The following EPHA5 variants were observed in gnomAD, a reference collection of about 807,000 sequenced individuals.
The protein encoded by EPHA5 is ephrin type-A receptor 5.
Under a neutral mutation model 105.0 loss-of-function variants are expected in EPHA5, and 60 were observed. That is an observed-to-expected ratio of 0.57 (90% CI 0.46 to 0.71). The LOEUF (loss-of-function observed/expected upper bound fraction) is 0.71, where lower values mean the gene tolerates loss of function less well. Among genes scored for constraint, EPHA5 ranks in the 30% least tolerant of loss-of-function variants. EPHA5 has a pLI of 0.00. For synonymous variants in EPHA5, 513 were observed against 449.1 expected (o/e 1.14, Z -1.80); for missense variants, 1,218 against 1,274.7 (o/e 0.96, Z 0.68).
At chr4:65,597,216 C>T (rs1743279769) in intron 3 of EPHA5, among the ~76,000 whole-genome samples, 1 of 152,102 alleles carries the variant, frequency 6.6e-6, no homozygotes, top group African/African-American at 2.4e-5. Context: ...AATCTCTTTC[C>T]TCCATTTGAT....
chr4:65,648,930 G>A (rs1748358768), intron 1 of EPHA5, among the ~76,000 whole-genome samples: 3 of 152,164 alleles, frequency 2.0e-5, no homozygotes, highest in Non-Finnish European at 1.5e-5. Flanking sequence ...CAGAGAAAGA[G>A]GACATGTGTT....
chr4:65,583,172 G>A (rs140992829), intron 3 of EPHA5, among the ~76,000 whole-genome samples: 38 of 151,298 alleles, frequency 2.5e-4, no homozygotes, highest in Admixed American at 1.1e-3. Context: ...TCCTGCTCTC[G>A]GAGAGTTTAT....
At chr4:65,602,491 T>A (rs962448525) in intron 2 of EPHA5, among the ~76,000 whole-genome samples, 187 bp from the exon 3 acceptor site, 11 of 152,142 alleles carry the variant, frequency 7.2e-5, no homozygotes, top group African/African-American at 2.7e-4. Context: ...TTATTGTAAT[T>A]TTTAAATTAA....
At chr4:65,612,046 A>AAAAGG in intron 2 of EPHA5, among the ~76,000 whole-genome samples, 1 of 113,520 alleles carries the variant, frequency 8.8e-6, no homozygotes, top group Admixed American at 1.0e-4. Context: ...AAAAGGAAAG[A>AAAAGG]AAAGAAAAGA....
rs910526197 is a variant in EPHA5, at chr4:65,670,378, C to A, written c.-636G>T. ...GCCGGCCGGTAGGAGCGCGGAGCTG[C>A]GCTGCGGCGGCCCAGGAGCTGCTGC... is the stretch of plus-strand genomic sequence containing the variant. On this transcript the variant is annotated 5_prime_UTR_variant, in exon 1 of 17. Transcript: ENST00000613740. 2.3e-4 allele frequency: 53 copies of A among 233,756 alleles called. No individual in the cohort carries two copies. Among genetic ancestry groups the A allele is most frequent in the Admixed American group, 1.1e-4 (2 of 17,776 alleles). The allele number at this position is 233,756 out of a possible 1,614,324, so 14.5% of individuals were successfully genotyped here. A position where few individuals can be genotyped will look rare whatever the true frequency, so the allele number is the denominator to read the frequency against.
At chr4:65,612,883 A>G (rs1277107984) in intron 2 of EPHA5, among the ~76,000 whole-genome samples, 1 of 152,040 alleles carries the variant, frequency 6.6e-6, no homozygotes, top group African/African-American at 2.4e-5. Context: ...TTTAGTTTAA[A>G]TAAGTTCCAT....
chr4:65,367,217 G>T (rs1478241994), intron 9 of EPHA5, 140 bp downstream of exon 9: 2 of 682,194 alleles, frequency 2.9e-6, no homozygotes, highest in Non-Finnish European at 4.7e-6. Flanking sequence ...TTACAGGAAT[G>T]TAACAAATAG....
At chr4:65,401,157 A>G (rs1721781968) in intron 8 of EPHA5, among the ~76,000 whole-genome samples, 1 of 152,064 alleles carries the variant, frequency 6.6e-6, no homozygotes, top group Non-Finnish European at 1.5e-5. Flanking sequence ...TCCTAGGACA[A>G]GCTTTTTAAA....
intron 3 of EPHA5, among the ~76,000 whole-genome samples, chr4:65,527,886 C>G (rs1272470264): frequency 6.6e-6 from 1 of 151,992 alleles, no homozygotes; most frequent in Non-Finnish European, 1.5e-5. Context: ...TTGTTCCCCT[C>G]TACGTGTCCG....
intron 3 of EPHA5, among the ~76,000 whole-genome samples, chr4:65,591,789 T>C (rs1373624177): frequency 1.3e-5 from 2 of 152,112 alleles, no homozygotes; most frequent in African/African-American, 4.8e-5. Context: ...ACAATGCTTA[T>C]TAATAGATGA....
intron 6 of EPHA5, among the ~76,000 whole-genome samples, chr4:65,415,164 C>T (rs904212394): frequency 1.3e-5 from 2 of 152,064 alleles, no homozygotes; most frequent in African/African-American, 2.4e-5. Context: ...GACTAACCAT[C>T]CATAGCTCCT....
At chr4:65,634,687 T>C (rs1746957698) in intron 2 of EPHA5, among the ~76,000 whole-genome samples, 1 of 152,092 alleles carries the variant, frequency 6.6e-6, no homozygotes, top group Non-Finnish European at 1.5e-5. Flanking sequence ...CCATTCCCTT[T>C]AGAATTATTG....
At chr4:65,445,571 T>C (rs949938587) in intron 5 of EPHA5, among the ~76,000 whole-genome samples, 12 of 152,130 alleles carry the variant, frequency 7.9e-5, no homozygotes, top group Non-Finnish European at 1.6e-4. Context: ...ACATTAAATA[T>C]AATATCTGTG....
chr4:65,471,212 C>T (rs932056196), intron 5 of EPHA5, among the ~76,000 whole-genome samples: 2 of 152,088 alleles, frequency 1.3e-5, no homozygotes, highest in Non-Finnish European at 2.9e-5. Flanking sequence ...TTTAACAGTC[C>T]TAACTCCTAG....
chr4:65,473,423 G>A (rs779410309), intron 5 of EPHA5, among the ~76,000 whole-genome samples: 1 of 152,180 alleles, frequency 6.6e-6, no homozygotes, highest in Non-Finnish European at 1.5e-5. Context: ...AACAAAGGAG[G>A]TTTAATTGAC....
intron 14 of EPHA5, among the ~76,000 whole-genome samples, chr4:65,344,614 G>A (rs1722040957): frequency 6.6e-6 from 1 of 152,174 alleles, no homozygotes; most frequent in African/African-American, 2.4e-5. Flanking sequence ...GTAGAAACCA[G>A]TATATCAAGG....
At chr4:65,353,201 A>ATG (rs1436957318) in intron 11 of EPHA5, 98 bp from the exon 12 acceptor site, 2 of 190,078 alleles carry the variant, frequency 1.1e-5, no homozygotes, top group Non-Finnish European at 2.2e-5. Context: ...TCAAAATTGT[A>ATG]TATATATATA....
At chr4:65,536,806 A>C (rs1487488522) in intron 3 of EPHA5, among the ~76,000 whole-genome samples, 3 of 151,754 alleles carry the variant, frequency 2.0e-5, no homozygotes, top group African/African-American at 7.2e-5. Context: ...TAAAATTATA[A>C]AAATCTTTAC....
chr4:65,331,636 A>G lies in EPHA5; in HGVS notation c.2945+337T>C, dbSNP rs530750231. 2.5e-4 allele frequency: 268 copies of G among 1,080,342 alleles called. 3 individuals are homozygous for G. The South Asian group carries it at 0.01, about 41-fold the overall frequency. 66.9% of individuals were successfully genotyped at this position (1,080,342 alleles called of 1,614,324 possible). A position where few individuals can be genotyped will look rare whatever the true frequency, so the allele number is the denominator to read the frequency against. On this transcript the variant is annotated intron_variant, in intron 16 of 16. Transcript: ENST00000613740. Reference sequence around the variant, plus strand: ...GTGCTTACAGTTTATTTTGTTTTGTATTTACATTCATATAACATAGATACC... The same window carrying G: ...GTGCTTACAGTTTATTTTGTTTTGTGTTTACATTCATATAACATAGATACC...
Sources: gnomAD v4.1 joint callset for allele counts (sites outside exome capture counted in the v4.1 genomes callset) on GRCh38, gnomAD v4.1.1 for gene constraint, MANE v1.5 for transcripts, NCBI Gene and HGNC (gene_info 2026-07-23, HGNC 2026-07-21) for gene names.